The following SRFBP1 variants were observed in gnomAD, a reference collection of about 807,000 sequenced individuals.
SRFBP1 encodes the protein serum response factor binding protein 1.
In SRFBP1, 47 loss-of-function variants were observed where a neutral mutation model predicts 45.5. The observed-to-expected ratio is 1.03, with a 90% CI of 0.82 to 1.32. The LOEUF (loss-of-function observed/expected upper bound fraction) is 1.32, where lower values mean the gene tolerates loss of function less well. Ranked by LOEUF, SRFBP1 falls within the 40% of genes most tolerant of loss-of-function variation. The pLI, the probability that SRFBP1 is intolerant of heterozygous loss-of-function variation, is 0.00. For synonymous variants in SRFBP1, 203 were observed against 166.3 expected (o/e 1.22, Z -1.70); for missense variants, 621 against 484.6 (o/e 1.28, Z -2.64).
chr5:122,077,941 G>C, downstream of SRFBP1: 3 of 1,493,954 alleles, frequency 2.0e-6, no homozygotes, highest in Non-Finnish European at 2.6e-6. This position sits in a 1 kb window ranked among gnomAD's most constrained non-coding sequence, Gnocchi z 4.9. Context: ...CTAGCGCGCA[G>C]AGCTGCAAAG....
chr5:122,033,951 G>A (rs1025285432), intron 2 of SRFBP1, among the ~76,000 whole-genome samples: 6 of 149,744 alleles, frequency 4.0e-5, no homozygotes, highest in Admixed American at 3.3e-4. Context: ...AGCCTCCTGG[G>A]TAGCTGGGAT....
chr5:121,977,294 A>G (rs976044964), intron 3 of SRFBP1, among the ~76,000 whole-genome samples: 21 of 152,154 alleles, frequency 1.4e-4, no homozygotes, highest in Middle Eastern at 3.4e-3. Flanking sequence ...CATAGTATAT[A>G]TATGTCTTGA....
At chr5:121,978,860 A>C (rs940821951) in intron 3 of SRFBP1, among the ~76,000 whole-genome samples, 1 of 152,080 alleles carries the variant, frequency 6.6e-6, no homozygotes, top group African/African-American at 2.4e-5. Context: ...AATATTCTTT[A>C]AGATGAGAAT....
chr5:122,015,645 C>T (rs1048109125), intron 4 of SRFBP1, among the ~76,000 whole-genome samples: 7 of 152,220 alleles, frequency 4.6e-5, no homozygotes, highest in African/African-American at 9.6e-5. Flanking sequence ...AAAGTTCCAG[C>T]GGCAGGCTGG....
chr5:122,034,106 G>C (rs1217095109), intron 2 of SRFBP1, among the ~76,000 whole-genome samples: 1 of 152,198 alleles, frequency 6.6e-6, no homozygotes, highest in Non-Finnish European at 1.5e-5. Flanking sequence ...TTAAAGGCGT[G>C]AACCACTGCG....
intron 1 of SRFBP1, among the ~76,000 whole-genome samples, chr5:121,970,873 T>A (rs1216326489): frequency 6.6e-6 from 1 of 152,032 alleles, no homozygotes; most frequent in Non-Finnish European, 1.5e-5. Flanking sequence ...GAAAGACACA[T>A]TAAAAATAAT....
At position 122,027,121 on chromosome 5, in the gene SRFBP1, G is replaced by T. The variant is rs534224944; in HGVS notation, c.1285G>T (p.Asp429Tyr). Residue 429 changes from aspartate to tyrosine, a missense_variant, in exon 8 of 8, where the codon GAT (aspartate) becomes TAT (tyrosine). By Grantham distance (160) the Asp-to-Tyr change is radical. Transcript: ENST00000339397. ...TCAGGGGAAAAAAATTACGTTTGAT[G>T]ATTGATTAGTGCCTCTTTCTGCAAA... ...VFQGKKITFD[D>Y] The T allele has an allele frequency of 6.3e-7, 1 of 1,598,514 alleles. No individual in the cohort carries two copies. Among genetic ancestry groups the T allele is most frequent in the Non-Finnish European group, 8.5e-7 (1 of 1,174,470 alleles).
At chr5:121,987,196 G>A (rs1237050405) in intron 3 of SRFBP1, among the ~76,000 whole-genome samples, 1 of 152,032 alleles carries the variant, frequency 6.6e-6, no homozygotes, top group East Asian at 1.9e-4. Context: ...AAAACTGACA[G>A]TACCAAAGAG....
intron 1 of SRFBP1, among the ~76,000 whole-genome samples, chr5:121,969,288 G>C (rs1335213054): frequency 6.6e-6 from 1 of 152,060 alleles, no homozygotes; most frequent in Non-Finnish European, 1.5e-5. Flanking sequence ...CAGCTGCTTG[G>C]TATGTAGAAA....
chr5:122,075,146 T>C (rs1460423942), intron 2 of SRFBP1, among the ~76,000 whole-genome samples: 2 of 152,240 alleles, frequency 1.3e-5, no homozygotes, highest in African/African-American at 2.4e-5. Flanking sequence ...CTGTAATGCA[T>C]TGGAGTAAAT....
intron 2 of SRFBP1, chr5:122,075,212 A>AT: frequency 2.0e-6 from 1 of 509,378 alleles, no homozygotes; most frequent in South Asian, 3.8e-5. Flanking sequence ...TGGGCTTCAG[A>AT]TTTTCCATTT....
chr5:121,999,017 A>C (rs1752797264), intron 4 of SRFBP1, among the ~76,000 whole-genome samples: 1 of 152,022 alleles, frequency 6.6e-6, no homozygotes, highest in Admixed American at 6.6e-5. Flanking sequence ...GCTCCATTCT[A>C]CATTCTTTAG....
intron 4 of SRFBP1, among the ~76,000 whole-genome samples, chr5:121,996,148 C>A: frequency 6.8e-6 from 1 of 147,512 alleles, no homozygotes. Flanking sequence ...AGGGAATCCT[C>A]CCTAACTCAT....
At chr5:122,072,240 G>C (rs561658727) in intron 2 of SRFBP1, among the ~76,000 whole-genome samples, 21 of 152,250 alleles carry the variant, frequency 1.4e-4, no homozygotes, top group African/African-American at 5.1e-4. Context: ...TGGCACTCGA[G>C]TTCATAAGCT....
At chr5:122,051,377 G>A (rs1227118300) in intron 2 of SRFBP1, among the ~76,000 whole-genome samples, 2 of 151,898 alleles carry the variant, frequency 1.3e-5, no homozygotes, top group Non-Finnish European at 2.9e-5. Context: ...CACTACTATT[G>A]TTTGGGAATC....
At chr5:122,047,381 T>G (rs953971934) in intron 2 of SRFBP1, among the ~76,000 whole-genome samples, 8 of 152,090 alleles carry the variant, frequency 5.3e-5, no homozygotes, top group East Asian at 1.9e-4. Flanking sequence ...ATTTCTGAGG[T>G]CTCTGTTCTG....
At chr5:122,033,971 A>C (rs1228019307) in intron 2 of SRFBP1, among the ~76,000 whole-genome samples, 1 of 149,240 alleles carries the variant, frequency 6.7e-6, no homozygotes, top group East Asian at 2.0e-4. Flanking sequence ...TTACAGGCAC[A>C]CGCCACCACG....
chr5:121,965,965 A>G (rs1752055264), intron 1 of SRFBP1, among the ~76,000 whole-genome samples: 1 of 152,066 alleles, frequency 6.6e-6, no homozygotes, highest in Admixed American at 6.6e-5. Flanking sequence ...TCGGGAGTTC[A>G]CTCATGATTT....
At chr5:122,008,154 C>A (rs1377810268) in intron 4 of SRFBP1, among the ~76,000 whole-genome samples, 4 of 152,050 alleles carry the variant, frequency 2.6e-5, no homozygotes, top group Non-Finnish European at 5.9e-5. Flanking sequence ...TGACCTGATA[C>A]TGGGCTGCCC....
Sources: allele counts gnomAD v4.1 joint callset (sites outside exome capture counted in the v4.1 genomes callset), GRCh38; gene constraint gnomAD v4.1.1; non-coding constraint Gnocchi (gnomAD v3.1); transcripts MANE v1.5; gene names NCBI Gene and HGNC (gene_info 2026-07-23, HGNC 2026-07-21).